Variants in LAMA1 observed in about 807,000 individuals in gnomAD.
LAMA1 encodes laminin subunit alpha-1.
A neutral mutation model predicts 348.7 loss-of-function variants in LAMA1; 219 were observed. That is an observed-to-expected ratio of 0.63 (90% CI 0.56 to 0.70). LAMA1 has a LOEUF of 0.70. Among genes scored for constraint, LAMA1 ranks in the 30% least tolerant of loss-of-function variants. The pLI is 0.00. For synonymous variants in LAMA1, 1,487 were observed against 1,491.0 expected, an observed-to-expected ratio of 1.00 and a Z score of 0.06; for missense variants, 3,744 against 3,888.0, an observed-to-expected ratio of 0.96 and a Z score of 0.99.
At chr18:7,038,458 A>T (rs554010281) in intron 11 of LAMA1, 1 of 372,284 alleles carries the variant, frequency 2.7e-6, no homozygotes, top group Non-Finnish European at 5.1e-6. Flanking sequence ...GAAAATCCCC[A>T]TGGCCCCACG....
intron 61 of LAMA1, 92 bp from the exon 62 acceptor site, chr18:6,943,494 G>T: frequency 9.6e-7 from 1 of 1,044,532 alleles, no homozygotes; most frequent in Non-Finnish European, 1.5e-6. Flanking sequence ...GCAGCATTAT[G>T]TTTAAAAGGA....
At chr18:7,086,421 C>A (rs143260189) in intron 1 of LAMA1, among the ~76,000 whole-genome samples, 89 of 152,246 alleles carry the variant, frequency 5.8e-4, no homozygotes, top group African/African-American at 2.0e-3. Flanking sequence ...ATTTCCTTCC[C>A]TTTGTACCTT....
At chr18:7,035,231 T>A (rs2057989074) in intron 13 of LAMA1, among the ~76,000 whole-genome samples, 1 of 152,090 alleles carries the variant, frequency 6.6e-6, no homozygotes, top group East Asian at 1.9e-4. Flanking sequence ...CTGACTGAGC[T>A]GGATCTTTTT....
intron 34 of LAMA1, 67 bp from the exon 35 acceptor site, chr18:6,993,819 C>T: frequency 1.1e-6 from 1 of 902,274 alleles, no homozygotes; most frequent in South Asian, 1.3e-5. Flanking sequence ...AAATAATACG[C>T]AAGTTGTAAT....
At chr18:6,946,788 T>A (rs913947134) in intron 61 of LAMA1, among the ~76,000 whole-genome samples, 2 of 152,076 alleles carry the variant, frequency 1.3e-5, no homozygotes, top group African/African-American at 4.8e-5. Context: ...CATGGGGCCC[T>A]CCCTGTACAT....
chr18:7,114,076 CA>C (rs4012960), intron 1 of LAMA1, among the ~76,000 whole-genome samples: 7,604 of 115,256 alleles, frequency 0.066, 528 homozygotes, highest in African/African-American at 0.23. Context: ...GACTCCGTCT[CA>C]AAAAAAAAAA....
At chr18:7,046,786 C>T (rs1240823348) in intron 5 of LAMA1, among the ~76,000 whole-genome samples, 1 of 152,164 alleles carries the variant, frequency 6.6e-6, no homozygotes, top group Non-Finnish European at 1.5e-5. Context: ...GAACAAAGTG[C>T]TTTCCTCTGA....
intron 51 of LAMA1, among the ~76,000 whole-genome samples, chr18:6,963,200 C>T (rs1164882285): frequency 6.6e-6 from 1 of 152,178 alleles, no homozygotes; most frequent in Non-Finnish European, 1.5e-5. Flanking sequence ...ACCTAAGTCC[C>T]TTCTACTGAG....
rs181754075 is a variant in LAMA1 at position 6,947,281 on chromosome 18, T to C, written c.8726A>G (p.Lys2909Arg). The C allele has an allele frequency of 8.7e-6, 14 of 1,613,792 alleles. No homozygotes were observed. In the African/African-American group the frequency reaches 1.9e-4, roughly 22 times the overall value. The change falls in exon 61 of 63, where the codon AAA (lysine) becomes AGA (arginine). Residue 2909 changes from lysine to arginine, a missense_variant. Lys to Arg is a conservative substitution (Grantham distance 26). This residue lies in a region of LAMA1 where 232 missense variants were observed against 264.4 expected (regional missense o/e 0.88). Coordinates refer to ENST00000389658, the MANE Select transcript of LAMA1 (RefSeq NM_005559.4). ...TGTGATGTTCACATCTGACTGGACT[T>C]TGTAGCCCTCTTTGACTGTAACACA... ...GYAALVKEGY[K>R]VQSDVNITLE...
chr18:7,089,158 C>A (rs965468077), intron 1 of LAMA1, among the ~76,000 whole-genome samples: 5 of 152,166 alleles, frequency 3.3e-5, no homozygotes, highest in African/African-American at 4.8e-5. Flanking sequence ...GCAGGCGAAT[C>A]ACTTGAGGTC....
chr18:7,037,796 C>T (rs771030595), intron 11 of LAMA1, 45 bp from the exon 12 acceptor site: 1 of 1,578,056 alleles, frequency 6.3e-7, no homozygotes, highest in Non-Finnish European at 8.7e-7. Flanking sequence ...ATAGAACTTA[C>T]CTTAGATTTC....
chr18:6,961,905 T>C, intron 52 of LAMA1, 40 bp downstream of exon 52: 1 of 1,579,220 alleles, frequency 6.3e-7, no homozygotes, highest in Non-Finnish European at 8.7e-7. Context: ...AATGGACACT[T>C]ATGGAAACTC....
At chr18:7,093,670 C>T (rs2058248863) in intron 1 of LAMA1, among the ~76,000 whole-genome samples, 1 of 151,446 alleles carries the variant, frequency 6.6e-6, no homozygotes, top group South Asian at 2.1e-4. Context: ...AATACCATAA[C>T]ATTAAGGTAG....
intron 16 of LAMA1, among the ~76,000 whole-genome samples, chr18:7,030,200 C>T (rs1427631857): frequency 6.6e-6 from 1 of 152,144 alleles, no homozygotes; most frequent in Non-Finnish European, 1.5e-5. Context: ...ATATCCTATC[C>T]ATCTGCTCTC....
chr18:7,028,750 G>C (rs1030354081), intron 16 of LAMA1, among the ~76,000 whole-genome samples: 6 of 152,242 alleles, frequency 3.9e-5, no homozygotes, highest in African/African-American at 1.4e-4. Flanking sequence ...AGAAAGTGCA[G>C]TCGGTGGTTA....
At chr18:6,993,198 A>G (rs1455615404) in intron 35 of LAMA1, among the ~76,000 whole-genome samples, 1 of 152,192 alleles carries the variant, frequency 6.6e-6, no homozygotes, top group Non-Finnish European at 1.5e-5. Context: ...TAAAAAGAAG[A>G]GCGATCATAT....
At chr18:7,102,559 C>A (rs2058295805) in intron 1 of LAMA1, among the ~76,000 whole-genome samples, 1 of 152,174 alleles carries the variant, frequency 6.6e-6, no homozygotes, top group Admixed American at 6.5e-5. Context: ...TGTTTAATTA[C>A]AATTCTCTTT....
chr18:7,069,477 C>CCT (rs2058137183), intron 3 of LAMA1, among the ~76,000 whole-genome samples: 2 of 152,146 alleles, frequency 1.3e-5, no homozygotes, highest in Non-Finnish European at 2.9e-5. Flanking sequence ...ATTCTTCACC[C>CCT]CTCCTCCGGT....
intron 32 of LAMA1, 137 bp downstream of exon 32, chr18:6,999,306 CTA>C: frequency 1.1e-6 from 1 of 874,900 alleles, no homozygotes; most frequent in Non-Finnish European, 1.8e-6. Flanking sequence ...CAACAGTGAT[CTA>C]TGCTTAGAAA....
Sources: allele counts gnomAD v4.1 joint callset (sites outside exome capture counted in the v4.1 genomes callset), GRCh38; gene constraint gnomAD v4.1.1; regional missense constraint gnomAD v4.1.1; transcripts MANE v1.5; gene names NCBI Gene and HGNC (gene_info 2026-07-23, HGNC 2026-07-21).